SERGEF: variants seen among roughly 807,000 people sequenced by gnomAD.
The protein encoded by SERGEF is secretion regulating guanine nucleotide exchange factor, also known as secretion-regulating guanine nucleotide exchange factor.
A neutral mutation model predicts 50.0 loss-of-function variants in SERGEF; 51 were observed. That is an observed-to-expected ratio of 1.02 (90% confidence interval 0.81 to 1.29). SERGEF has a LOEUF of 1.29. Among genes scored for constraint, SERGEF ranks in the 50% most tolerant of loss-of-function variants. SERGEF has a pLI of 0.00. For missense variants in SERGEF, 521 were observed against 557.0 expected (o/e 0.94, Z 0.65); for synonymous variants, 205 against 212.4 (o/e 0.97, Z 0.30).
intron 10 of SERGEF, among the ~76,000 whole-genome samples, chr11:17,866,256 C>T (rs1401789615): frequency 1.3e-5 from 2 of 152,192 alleles, no homozygotes; most frequent in African/African-American, 4.8e-5. Flanking sequence ...CTTACGGCTG[C>T]TCTGGTAGCA....
intron 9 of SERGEF, among the ~76,000 whole-genome samples, chr11:17,899,616 A>C (rs1248918479): frequency 6.6e-6 from 1 of 152,188 alleles, no homozygotes; most frequent in Non-Finnish European, 1.5e-5. Context: ...CCTTCACTTC[A>C]TATCAGATTA....
intron 1 of SERGEF, among the ~76,000 whole-genome samples, chr11:18,010,860 T>C (rs964281833): frequency 3.3e-5 from 5 of 152,192 alleles, no homozygotes; most frequent in African/African-American, 9.7e-5. Context: ...AAGGGGAATA[T>C]AGAGCATATA....
intron 1 of SERGEF, among the ~76,000 whole-genome samples, chr11:18,011,821 C>G (rs950585591): frequency 2.6e-5 from 4 of 152,158 alleles, no homozygotes; most frequent in African/African-American, 9.7e-5. Context: ...AGCTCCCGGG[C>G]CACCTCAAAG....
chr11:17,856,851 A>G (rs1426461783), intron 10 of SERGEF: 1 of 152,196 alleles, frequency 6.6e-6, no homozygotes, highest in Non-Finnish European at 1.5e-5. Flanking sequence ...TAACTTTCCT[A>G]AAAAGCCAAG....
chr11:17,981,576 C>G (rs2133990163), intron 8 of SERGEF, among the ~76,000 whole-genome samples: 1 of 152,292 alleles, frequency 6.6e-6, no homozygotes, highest in East Asian at 1.9e-4. Context: ...TTGCCAACTT[C>G]ATATGAGAAC....
At chr11:18,004,801 G>A (rs141862164) in intron 3 of SERGEF, among the ~76,000 whole-genome samples, 140 of 152,326 alleles carry the variant, frequency 9.2e-4, no homozygotes, top group Non-Finnish European at 1.6e-3. Flanking sequence ...TGGGATGGGA[G>A]GATAGTAATT....
chr11:17,832,946 T>A (rs1850337609), intron 10 of SERGEF, among the ~76,000 whole-genome samples: 1 of 152,146 alleles, frequency 6.6e-6, no homozygotes, highest in Non-Finnish European at 1.5e-5. Flanking sequence ...AGCACAAAAG[T>A]TTGGAAAACA....
intron 10 of SERGEF, among the ~76,000 whole-genome samples, chr11:17,815,690 G>A (rs1047703139): frequency 2.6e-4 from 39 of 151,854 alleles, no homozygotes; most frequent in African/African-American, 9.0e-4. Context: ...TTGGGAGGCC[G>A]AGGTGGGTGG....
At chr11:17,833,135 G>A (rs1347924648) in intron 10 of SERGEF, among the ~76,000 whole-genome samples, 2 of 152,190 alleles carry the variant, frequency 1.3e-5, no homozygotes, top group African/African-American at 4.8e-5. Context: ...TAGGCCAGAA[G>A]GTCTAGGAGG....
intron 9 of SERGEF, among the ~76,000 whole-genome samples, chr11:17,950,248 A>G (rs1852750381): frequency 6.6e-6 from 1 of 152,202 alleles, no homozygotes; most frequent in Non-Finnish European, 1.5e-5. Flanking sequence ...GAACAAGGCC[A>G]ACAACAGTCC....
intron 9 of SERGEF, among the ~76,000 whole-genome samples, chr11:17,958,024 A>T (rs900399618): frequency 6.6e-6 from 1 of 152,214 alleles, no homozygotes; most frequent in Non-Finnish European, 1.5e-5. Flanking sequence ...AATATTAAGT[A>T]GTTTCATTAT....
intron 9 of SERGEF, among the ~76,000 whole-genome samples, chr11:17,915,145 T>TATGA (rs141026832): frequency 0.13 from 19,491 of 152,044 alleles, 1,633 homozygotes; most frequent in East Asian, 0.25. Context: ...ATGCTCGTTG[T>TATGA]ATGAATGAAT....
At position 17,991,756 on chromosome 11, in the gene SERGEF, C is replaced by G. The variant is rs533427313; in HGVS notation, c.685+1175G>C. Among the ~76,000 whole-genome samples the G allele has an allele frequency of 1.8e-3, 277 of 152,234 alleles. No homozygotes were observed. The highest frequency in any genetic ancestry group is 6.4e-3 in the African/African-American group (266 of 41,540). ...GCATTTAAACTTTCATATTATGGCT[C>G]CCGTGCTCTTGAAATAACAACTTCT... On this transcript the variant is annotated intron_variant, in intron 7 of 10. Coordinates refer to ENST00000265965, the MANE Select transcript of SERGEF (RefSeq NM_012139.4). This position sits in a 1 kb window ranked among gnomAD's most constrained non-coding sequence, Gnocchi z 4.9.
chr11:17,810,713 C>G (rs544126206), intron 10 of SERGEF, among the ~76,000 whole-genome samples: 7 of 152,168 alleles, frequency 4.6e-5, no homozygotes, highest in African/African-American at 1.7e-4. Flanking sequence ...TAGCACAGAG[C>G]CCTGGGTCAC....
chr11:17,900,594 T>G (rs1851731312), intron 9 of SERGEF, among the ~76,000 whole-genome samples: 1 of 152,200 alleles, frequency 6.6e-6, no homozygotes, highest in Non-Finnish European at 1.5e-5. Flanking sequence ...AGTCAATGGT[T>G]CAGTGACCCT....
intron 9 of SERGEF, among the ~76,000 whole-genome samples, chr11:17,935,022 A>G (rs1222025401): frequency 6.6e-6 from 1 of 152,168 alleles, no homozygotes; most frequent in Admixed American, 6.5e-5. Context: ...AGGAGCCACC[A>G]CAAAGGAAAC....
At chr11:17,831,000 C>T (rs1473221284) in intron 10 of SERGEF, among the ~76,000 whole-genome samples, 3 of 152,086 alleles carry the variant, frequency 2.0e-5, no homozygotes. Flanking sequence ...TATGTATAAA[C>T]TTTTAGCATC....
intron 10 of SERGEF, among the ~76,000 whole-genome samples, chr11:17,824,829 C>G (rs962705301): frequency 6.6e-6 from 1 of 152,218 alleles, no homozygotes; most frequent in Non-Finnish European, 1.5e-5. Flanking sequence ...AATACCTTAT[C>G]TCCAAATACA....
chr11:17,824,394 A>G (rs1850148216), intron 10 of SERGEF, among the ~76,000 whole-genome samples: 1 of 152,160 alleles, frequency 6.6e-6, no homozygotes, highest in African/African-American at 2.4e-5. Context: ...AATCTTGAAG[A>G]CAAAGGCCTA....
Sources: allele counts gnomAD v4.1 joint callset (sites outside exome capture counted in the v4.1 genomes callset), GRCh38; gene constraint gnomAD v4.1.1; non-coding constraint Gnocchi (gnomAD v3.1); transcripts MANE v1.5; gene names NCBI Gene and HGNC (gene_info 2026-07-23, HGNC 2026-07-21).